Variants in CLIC5 observed in about 807,000 individuals in gnomAD.
CLIC5 encodes the protein chloride intracellular channel protein 5.
In CLIC5, 20 loss-of-function variants were observed where a neutral mutation model predicts 24.7. That is an observed-to-expected ratio of 0.81 (90% CI 0.57 to 1.18). The LOEUF is 1.18. Ranked by LOEUF, CLIC5 falls within the 50% of genes most tolerant of loss-of-function variation. The pLI is 0.00. For synonymous variants in CLIC5, 159 were observed against 135.6 expected, an observed-to-expected ratio of 1.17 and a Z score of -1.20; for missense variants, 341 against 326.1, an observed-to-expected ratio of 1.05 and a Z score of -0.35.
intron 1 of CLIC5, among the ~76,000 whole-genome samples, chr6:46,052,783 C>G (rs1403922121): frequency 6.6e-6 from 1 of 151,566 alleles, no homozygotes; most frequent in Non-Finnish European, 1.5e-5. Flanking sequence ...CCACAGGCAG[C>G]CATTTGAGGG....
At chr6:46,069,296 GGCATGGTCTGATGT>G (rs2127473858) in intron 1 of CLIC5, among the ~76,000 whole-genome samples, 1 of 152,136 alleles carries the variant, frequency 6.6e-6, no homozygotes, top group South Asian at 2.1e-4. Flanking sequence ...TCAGGGGAAT[GGCATGGTCTGATGT>G]GCTCTAAAGA....
rs528673313 is a variant in CLIC5, at chr6:45,913,935, C to T, written c.588+293G>A. ...TGACTGTATACAACAACGATAATTGCGACTATTACACATATTAAGCCCCCA... is the reference window on the plus strand; with the variant it reads ...TGACTGTATACAACAACGATAATTGTGACTATTACACATATTAAGCCCCCA... On this transcript the variant is annotated intron_variant, in intron 5 of 5. Coordinates refer to ENST00000339561, the MANE Select transcript of CLIC5 (RefSeq NM_016929.5). The T allele has an allele frequency of 1.1e-4, 65 of 600,680 alleles. No homozygotes were observed. The East Asian group carries it at 1.1e-3, about 11-fold the overall frequency. The allele number at this position is 600,680 out of a possible 1,614,324, so 37.2% of individuals were successfully genotyped here. A position where few individuals can be genotyped will look rare whatever the true frequency, so the allele number is the denominator to read the frequency against.
At chr6:46,044,957 T>C (rs1254282309) in intron 1 of CLIC5, among the ~76,000 whole-genome samples, 2 of 152,208 alleles carry the variant, frequency 1.3e-5, no homozygotes, top group African/African-American at 4.8e-5. Flanking sequence ...GCCTTCATTC[T>C]TGAGCACTCA....
At chr6:46,071,196 C>A (rs962249298) in intron 1 of CLIC5, among the ~76,000 whole-genome samples, 15 of 152,078 alleles carry the variant, frequency 9.9e-5, no homozygotes, top group African/African-American at 3.6e-4. Context: ...ATGCCAAAAT[C>A]AGTTGAAACA....
chr6:45,968,555 T>C (rs1043775050), intron 1 of CLIC5, among the ~76,000 whole-genome samples: 2 of 152,164 alleles, frequency 1.3e-5, no homozygotes, highest in African/African-American at 4.8e-5. Context: ...ACACAATGGA[T>C]GCCCCAGACC....
At chr6:46,101,967 A>AT in the CLIC5 span, among the ~76,000 whole-genome samples, 1 of 151,932 alleles carries the variant, frequency 6.6e-6, no homozygotes, top group Non-Finnish European at 1.5e-5. Flanking sequence ...TGAGAAAAAA[A>AT]AAAGAAGTGT....
rs144427015 is a variant in CLIC5 at position 45,968,476 on chromosome 6, T to C, written c.64-13232A>G. Among the ~76,000 whole-genome samples the C allele has an allele frequency of 7.2e-3, 1,088 of 152,090 alleles. 17 individuals are homozygous for C. Among genetic ancestry groups the C allele is most frequent in the African/African-American group, 0.025 (1,022 of 41,506 alleles). On this transcript the variant is annotated intron_variant, in intron 1 of 5. Coordinates refer to ENST00000339561, the MANE Select transcript of CLIC5 (RefSeq NM_016929.5). Reference sequence around the variant, plus strand: ...GGGGTCCTGAAACCAGACATGTAGGTTTTTATCTATTATCTCCTATGTGAG... The same window carrying C: ...GGGGTCCTGAAACCAGACATGTAGGCTTTTATCTATTATCTCCTATGTGAG...
intron 1 of CLIC5, among the ~76,000 whole-genome samples, chr6:46,033,296 G>GTT (rs564332141): frequency 0.076 from 10,844 of 143,428 alleles, 453 homozygotes; most frequent in Middle Eastern, 0.13. Flanking sequence ...CAAATCTATA[G>GTT]TTTTTTTTTT....
intron 1 of CLIC5, among the ~76,000 whole-genome samples, chr6:45,964,701 G>C (rs1277754082): frequency 6.6e-6 from 1 of 152,198 alleles, no homozygotes; most frequent in African/African-American, 2.4e-5. Flanking sequence ...CCAGCCCCCA[G>C]CTTTTGAATT....
chr6:45,974,362 C>T (rs754185953), intron 1 of CLIC5, among the ~76,000 whole-genome samples: 2 of 151,308 alleles, frequency 1.3e-5, no homozygotes, highest in Non-Finnish European at 2.9e-5. Flanking sequence ...AGCTTCCAGG[C>T]ACCTATGGAA....
chr6:45,980,111 T>G (rs1223019819), intron 1 of CLIC5, among the ~76,000 whole-genome samples: 1 of 152,146 alleles, frequency 6.6e-6, no homozygotes, highest in Non-Finnish European at 1.5e-5. Flanking sequence ...TTCAATCTTC[T>G]GCATATGGCC....
At chr6:46,002,247 TTGTTG>T (rs761321150) in intron 1 of CLIC5, among the ~76,000 whole-genome samples, 2 of 151,504 alleles carry the variant, frequency 1.3e-5, no homozygotes, top group Non-Finnish European at 2.9e-5. Flanking sequence ...GTAATTTTTT[TTGTTG>T]TTGTTGTTGT....
chr6:45,949,245 C>G lies in CLIC5; in HGVS notation c.299+11G>C, dbSNP rs1347770765. The G allele has an allele frequency of 6.2e-7, 1 of 1,611,420 alleles. No individual in the cohort carries two copies. The highest frequency in any genetic ancestry group is 2.2e-5 in the East Asian group (1 of 44,804). ...CCCATTCAACAGCCCCAGAAAGAAA[C>G]AGATCCTTACTTTTCAGGGGTCAAG... On this transcript the variant is annotated intron_variant, in intron 3 of 5. Transcript: ENST00000339561.
chr6:46,103,494 C>G, the CLIC5 span, among the ~76,000 whole-genome samples: 2 of 152,166 alleles, frequency 1.3e-5, no homozygotes, highest in African/African-American at 4.8e-5. Context: ...TTTCTGAGGA[C>G]TGATACCTGT....
intron 4 of CLIC5, among the ~76,000 whole-genome samples, chr6:45,930,578 C>A (rs1201775537): frequency 6.6e-6 from 1 of 152,168 alleles, no homozygotes; most frequent in Non-Finnish European, 1.5e-5. Flanking sequence ...GAATAAATCA[C>A]ATCAGCTGGC....
intron 1 of CLIC5, among the ~76,000 whole-genome samples, chr6:46,009,461 G>C (rs551267351): frequency 2.0e-5 from 3 of 152,246 alleles, no homozygotes; most frequent in African/African-American, 7.2e-5. Context: ...GACACCCTGG[G>C]TAGAGAGAGT....
At chr6:46,049,163 A>C (rs181420711) in intron 1 of CLIC5, among the ~76,000 whole-genome samples, 68 of 152,338 alleles carry the variant, frequency 4.5e-4, no homozygotes, top group Middle Eastern at 6.8e-3. Context: ...GCTGCTCCAC[A>C]GGAAAACTTG....
At chr6:46,064,571 A>G (rs1762389659) in intron 1 of CLIC5, among the ~76,000 whole-genome samples, 1 of 152,180 alleles carries the variant, frequency 6.6e-6, no homozygotes. Context: ...ACAACATATC[A>G]ACAACATTGT....
At chr6:45,989,559 G>A (rs534665778) in intron 1 of CLIC5, among the ~76,000 whole-genome samples, 6 of 152,288 alleles carry the variant, frequency 3.9e-5, no homozygotes, top group East Asian at 3.9e-4. Flanking sequence ...TACTCATGAC[G>A]TTAATAAGCA....
Sources: gnomAD v4.1 joint callset for allele counts (sites outside exome capture counted in the v4.1 genomes callset) on GRCh38, gnomAD v4.1.1 for gene constraint, MANE v1.5 for transcripts, NCBI Gene and HGNC (gene_info 2026-07-23, HGNC 2026-07-21) for gene names.